The following COL9A3 variants were observed in gnomAD, a reference collection of about 807,000 sequenced individuals.
COL9A3 encodes the protein collagen type IX alpha 3 chain.
In COL9A3, 82 loss-of-function variants were observed where a neutral mutation model predicts 110.2. The observed-to-expected ratio is 0.74, with a 90% CI of 0.62 to 0.89. The LOEUF (loss-of-function observed/expected upper bound fraction) is 0.89, where lower values mean the gene tolerates loss of function less well. COL9A3 is among the 40% of genes least tolerant of loss of function. The pLI is 0.00. For missense variants in COL9A3, 1,066 were observed against 981.3 expected, an observed-to-expected ratio of 1.09 and a Z score of -1.15; for synonymous variants, 494 against 403.8, an observed-to-expected ratio of 1.22 and a Z score of -2.68.
At chr20:62,829,929 C>G (rs949260807) in intron 22 of COL9A3, 110 bp downstream of exon 22, 4 of 1,352,410 alleles carry the variant, frequency 3.0e-6, no homozygotes, top group Non-Finnish European at 4.0e-6. Flanking sequence ...ATGGGCCAGG[C>G]CCACAAAAGC....
At chr20:62,824,720 C>T (rs887035048) in intron 11 of COL9A3, among the ~76,000 whole-genome samples, 41 of 152,308 alleles carry the variant, frequency 2.7e-4, no homozygotes, top group African/African-American at 9.4e-4. Flanking sequence ...TCAGAGACTG[C>T]GGGGGAGAGC....
At chr20:62,831,905 GT>G in intron 24 of COL9A3, 1 of 579,372 alleles carries the variant, frequency 1.7e-6, no homozygotes, top group East Asian at 2.8e-5. Flanking sequence ...ATTCACGGGT[GT>G]TACAAACAGT....
At chr20:62,817,769 C>T (rs1990982638) in intron 2 of COL9A3, 134 bp downstream of exon 2, 5 of 666,622 alleles carry the variant, frequency 7.5e-6, no homozygotes, top group African/African-American at 1.8e-5. Context: ...CAGGGGACAG[C>T]CAGTGCCTTC....
At chr20:62,826,537 C>A (rs1356337542) in intron 14 of COL9A3, among the ~76,000 whole-genome samples, 2 of 152,196 alleles carry the variant, frequency 1.3e-5, no homozygotes, top group South Asian at 4.1e-4. Flanking sequence ...GAACTCTGCT[C>A]GCTGACACCC....
At chr20:62,817,356 T>C (rs1380532160) in intron 1 of COL9A3, 2 of 505,632 alleles carry the variant, frequency 4.0e-6, no homozygotes, top group Non-Finnish European at 6.7e-6. Flanking sequence ...CCGCCTCCTC[T>C]GGGAGCACAA....
chr20:62,840,389 T>G (rs2063667405), intron 31 of COL9A3, among the ~76,000 whole-genome samples, 153 bp from the exon 32 acceptor site: 1 of 122,104 alleles, frequency 8.2e-6, no homozygotes, highest in South Asian at 2.2e-4. Context: ...AGAGCCTTTG[T>G]GTGCCGTTCC....
intron 25 of COL9A3, 130 bp downstream of exon 25, chr20:62,832,319 T>A: frequency 1.1e-6 from 1 of 913,944 alleles, no homozygotes; most frequent in Admixed American, 2.0e-5. Context: ...CCTCTTGCCG[T>A]GTCTGTCAGT....
Position 62,828,014 on chromosome 20 carries a change from C to T in COL9A3, c.900+38C>T, listed in dbSNP as rs34492576. ...GGCTGCTCATGGAATGCTCCTCCCC[C>T]GGGTCCTGGGTATGTACAGGTGGAG... On this transcript the variant is annotated intron_variant, in intron 17 of 31. Coordinates refer to ENST00000649368, the MANE Select transcript of COL9A3 (RefSeq NM_001853.4). 0.15 allele frequency: 248,092 copies of T among 1,609,130 alleles called. 20,009 individuals are homozygous for T. Among genetic ancestry groups the T allele is most frequent in the Non-Finnish European group, 0.16 (191,115 of 1,177,170 alleles).
Position 62,829,778 on chromosome 20 carries a change from A to C in COL9A3, c.1120A>C (p.Met374Leu). Residue 374 changes from methionine to leucine, a missense_variant, in exon 22 of 32, where the codon ATG (methionine) becomes CTG (leucine). Physicochemically the swap from Met to Leu is conservative, Grantham distance 15. Coordinates refer to ENST00000649368, the MANE Select transcript of COL9A3 (RefSeq NM_001853.4). ...CCTTTCCCTGTAGGGAGATGCTGGC[A>C]TGCCTGGGGAGCGCGGTGAGGCTGG... ...GEPGVPGDAGMPGERGEAGHR... is the reference protein window; with the variant it reads ...GEPGVPGDAGLPGERGEAGHR... 1 of 1,590,250 alleles carries C rather than the reference A, an allele frequency of 6.3e-7. No homozygotes were observed.
chr20:62,824,567 T>C, intron 11 of COL9A3, 66 bp downstream of exon 11: 1 of 1,485,890 alleles, frequency 6.7e-7, no homozygotes, highest in Non-Finnish European at 9.2e-7. Context: ...TGGGCTCCCA[T>C]GGGGCTGTGG....
chr20:62,826,011 G>T, intron 13 of COL9A3, 141 bp downstream of exon 13: 1 of 1,138,892 alleles, frequency 8.8e-7, no homozygotes, highest in Non-Finnish European at 1.3e-6. Flanking sequence ...GCGCGACCTG[G>T]CTGGGGGTCC....
chr20:62,817,596 C>T lies in COL9A3; in HGVS notation c.108C>T (p.Pro36=), dbSNP rs1469321407. 8.4e-6 allele frequency: 13 copies of T among 1,546,942 alleles called. No homozygotes were observed. The highest frequency in any genetic ancestry group is 1.7e-4 in the Middle Eastern group (1 of 5,824). Residue 36 remains proline (P), a synonymous_variant, in exon 2 of 32, where the codon CCC becomes CCT. Transcript: ENST00000649368. ...TGGGACTCCCCGGCCCCCCCGGCCCCCCAGGGCCGCCCGGGAAGCCCGGCC... is the reference window on the plus strand; with the variant it reads ...TGGGACTCCCCGGCCCCCCCGGCCCTCCAGGGCCGCCCGGGAAGCCCGGCC... The part of the protein sequence containing the change: ...QRVGLPGPPG[P]PGPPGKPGQD...
chr20:62,817,570 G>T lies in COL9A3; in HGVS notation c.82G>T (p.Val28Leu). ...TAATGAGTTTTCTCCGTTTCAGAGA[G>T]TGGGACTCCCCGGCCCCCCCGGCCC... ...ELLAAAGAQR[V>L]GLPGPPGPPG... The change falls in exon 2 of 32, where the codon GTG becomes TTG. Residue 28 changes from valine (V) to leucine (L), a missense_variant. By Grantham distance (32) the Val-to-Leu change is conservative. Coordinates refer to ENST00000649368, the MANE Select transcript of COL9A3 (RefSeq NM_001853.4). 6.5e-7 allele frequency: 1 copy of T among 1,544,218 alleles called. No individual in the cohort carries two copies.
Position 62,834,300 on chromosome 20 carries a change from G to A in COL9A3, c.1368+1236G>A, listed in dbSNP as rs190395853. 4.5e-3 allele frequency among the ~76,000 whole-genome samples: 692 copies of A among 152,290 alleles called. 5 individuals are homozygous for A. Among genetic ancestry groups the A allele is most frequent in the African/African-American group, 0.016 (675 of 41,556 alleles). On this transcript the variant is annotated intron_variant, in intron 26 of 31. Coordinates refer to ENST00000649368, the MANE Select transcript of COL9A3 (RefSeq NM_001853.4). ...GCTGGGATTACAGGCGTGAGCCGCC[G>A]TGTCAGGCCCACAGCTGGTTTTTAA... is the stretch of plus-strand genomic sequence containing the variant.
chr20:62,824,376 G>A (rs1367564916), intron 10 of COL9A3, 69 bp from the exon 11 acceptor site: 41 of 1,447,542 alleles, frequency 2.8e-5, no homozygotes, highest in African/African-American at 8.5e-5. Flanking sequence ...TCCCGCGGGC[G>A]CTGACCCCTG....
At chr20:62,830,815 G>A (rs1455978371) in intron 24 of COL9A3, among the ~76,000 whole-genome samples, 17 of 49,862 alleles carry the variant, frequency 3.4e-4, no homozygotes, top group South Asian at 9.1e-4. Flanking sequence ...CCCCTGGGAC[G>A]CAGACAGGGA....
At position 62,840,721 on chromosome 20, in the gene COL9A3, C is replaced by T. The variant is rs1048100; in HGVS notation, c.2044C>T (p.Arg682Ter). ...AGGGGTCGGGGAGAAATCAGGCTCT[C>T]GAAGCTCATAAAATTCAACGTGAGG... Reference protein sequence around the residue: ...LGGVGEKSGSRSS With the variant: ...LGGVGEKSGS Residue 682 changes from arginine to a stop codon, truncating the protein, a stop_gained, in exon 32 of 32, where the codon CGA becomes TGA. Transcript: ENST00000649368. LOFTEE classifies it high-confidence loss of function. 20 of 1,571,734 alleles carry T rather than the reference C, an allele frequency of 1.3e-5. No homozygotes were observed. The highest frequency in any genetic ancestry group is 1.6e-5 in the Non-Finnish European group (19 of 1,157,836).
rs3215568 is a variant in COL9A3, at chr20:62,829,561, T to TG, written c.1054-61dup. 0.18 allele frequency: 286,639 copies of TG among 1,601,614 alleles called. 26,054 individuals are homozygous for TG. The highest frequency in any genetic ancestry group is 0.2 in the African/African-American group (15,276 of 74,640). On this transcript the variant is annotated intron_variant, in intron 20 of 31. Coordinates refer to ENST00000649368, the MANE Select transcript of COL9A3 (RefSeq NM_001853.4). ...GGCGAGGGGCCGGGAGGCAAGGGGCTGGGGGGCCAGCGACCTGGCCCCAGT... is the reference window on the plus strand; with the variant it reads ...GGCGAGGGGCCGGGAGGCAAGGGGCTGGGGGGGCCAGCGACCTGGCCCCAGT...
At chr20:62,821,074 C>A in intron 5 of COL9A3, 107 bp from the exon 6 acceptor site, 18 of 1,186,554 alleles carry the variant, frequency 1.5e-5, no homozygotes, top group Non-Finnish European at 2.2e-5. Flanking sequence ...GGGACTTGGA[C>A]CCTGTTGTCC....
Sources: gnomAD v4.1 joint callset for allele counts (sites outside exome capture counted in the v4.1 genomes callset) on GRCh38, gnomAD v4.1.1 for gene constraint, MANE v1.5 for transcripts, NCBI Gene and HGNC (gene_info 2026-07-23, HGNC 2026-07-21) for gene names.